Variants in LCT observed in about 807,000 individuals in gnomAD.
LCT encodes the protein lactase/phlorizin hydrolase.
A neutral mutation model predicts 173.0 loss-of-function variants in LCT; 90 were observed. The ratio of observed to expected loss-of-function variants is 0.52; its 90% CI spans 0.44 to 0.62. The LOEUF is 0.62. LCT is among the 20% of genes least tolerant of loss of function. The pLI is 0.00. For synonymous variants in LCT, 853 were observed against 957.6 expected (o/e 0.89, Z 2.02); for missense variants, 1,864 against 2,431.4 (o/e 0.77, Z 4.91).
At chr2:135,799,407 C>G (rs1274906525) in intron 12 of LCT, among the ~76,000 whole-genome samples, 3 of 151,984 alleles carry the variant, frequency 2.0e-5, no homozygotes. Flanking sequence ...GAGGATCATT[C>G]TTTTCCTTCT....
chr2:135,833,334 G>C, intron 1 of LCT, 144 bp from the exon 2 acceptor site: 1 of 731,736 alleles, frequency 1.4e-6, no homozygotes, highest in Non-Finnish European at 2.5e-6. Flanking sequence ...AGAAGACAAG[G>C]TGGCTTAAAA....
chr2:135,829,326 C>T (rs2077914209), intron 3 of LCT, among the ~76,000 whole-genome samples: 1 of 152,126 alleles, frequency 6.6e-6, no homozygotes. Flanking sequence ...AATCTCAATT[C>T]TCGGCAGATT....
chr2:135,829,684 T>C lies in LCT; in HGVS notation c.721-8A>G, dbSNP rs778877430. 1 of 1,597,618 alleles carries C rather than the reference T, an allele frequency of 6.3e-7. No individual in the cohort carries two copies. The highest frequency in any genetic ancestry group is 8.6e-7 in the Non-Finnish European group (1 of 1,165,246). On this transcript the variant is annotated splice_polypyrimidine_tract_variant and splice_region_variant and intron_variant, in intron 2 of 16. Coordinates refer to ENST00000264162, the MANE Select transcript of LCT (RefSeq NM_002299.4). ...GAGGAAATCGACCGTGTCCTGAAAA[T>C]AGTAGTTAAATAGGGTCATTAGAAC...
Position 135,790,964 on chromosome 2 carries a change from AC to A in LCT, c.5112-84del. The A allele has an allele frequency of 9.7e-7, 1 of 1,028,706 alleles. No individual in the cohort carries two copies. The highest frequency in any genetic ancestry group is 1.5e-6 in the Non-Finnish European group (1 of 657,406). 63.7% of individuals were successfully genotyped at this position (1,028,706 alleles called of 1,614,324 possible). ...ACACGAAACACAAAACAGGACTTAG[AC>A]CAGGAAAAGCCTTAGGTTTTGTCTA... On this transcript the variant is annotated intron_variant, in intron 14 of 16. Coordinates refer to ENST00000264162, the MANE Select transcript of LCT (RefSeq NM_002299.4). The surrounding 1 kb of genome is among the most constrained non-coding windows in gnomAD (Gnocchi z 4.1).
Position 135,803,927 on chromosome 2 carries a change from T to A in LCT, c.4663+3A>T. On this transcript the variant is annotated splice_donor_region_variant and intron_variant, in intron 11 of 16. Coordinates refer to ENST00000264162, the MANE Select transcript of LCT (RefSeq NM_002299.4). Reference sequence around the variant, plus strand: ...GAGCCTATGAGCCAGGGCTGGGACTTACCTGGAGCTGCTGTTCCGTAGCCA... The same window carrying A: ...GAGCCTATGAGCCAGGGCTGGGACTAACCTGGAGCTGCTGTTCCGTAGCCA... The A allele has an allele frequency of 6.2e-7, 1 of 1,612,876 alleles. No homozygotes were observed. Among genetic ancestry groups the A allele is most frequent in the Non-Finnish European group, 8.5e-7 (1 of 1,179,218 alleles).
intron 2 of LCT, among the ~76,000 whole-genome samples, chr2:135,830,946 G>T (rs2077932298): frequency 6.6e-6 from 1 of 152,344 alleles, no homozygotes; most frequent in Non-Finnish European, 1.5e-5. Flanking sequence ...AATCACACGA[G>T]GAGAAGACAG....
intron 3 of LCT, among the ~76,000 whole-genome samples, chr2:135,824,829 C>A (rs1263713640): frequency 8.6e-5 from 13 of 151,372 alleles, no homozygotes; most frequent in Admixed American, 2.0e-4. Flanking sequence ...ATGGTGAAAC[C>A]CTGTCTTTAT....
At position 135,790,811 on chromosome 2, in the gene LCT, C is replaced by T; in HGVS notation, c.5182G>A (p.Gly1728Ser). The stretch of plus-strand genomic sequence containing the variant: ...AACCAGTTCAGGATCCTCCTGAAGC[C>T]AAAAGGCGTCATCTTCAGCCAGAAG... Reference protein sequence around the residue: ...GSFWLKMTPFGFRRILNWLKE... With the variant: ...GSFWLKMTPFSFRRILNWLKE... Residue 1728 changes from glycine to serine, a missense_variant, in exon 15 of 17, where the codon GGC (glycine) becomes AGC (serine). Physicochemically the swap from Gly to Ser is moderately conservative, Grantham distance 56. This residue lies in a region of LCT where 514 missense variants were observed against 750.1 expected (regional missense o/e 0.69). Transcript: ENST00000264162. The surrounding 1 kb of genome is among the most constrained non-coding windows in gnomAD (Gnocchi z 4.1). 1 of 1,614,102 alleles carries T rather than the reference C, an allele frequency of 6.2e-7. No homozygotes were observed. The highest frequency in any genetic ancestry group is 8.5e-7 in the Non-Finnish European group (1 of 1,179,992).
At chr2:135,830,067 G>A (rs1170482078) in intron 2 of LCT, among the ~76,000 whole-genome samples, 1 of 152,156 alleles carries the variant, frequency 6.6e-6, no homozygotes, top group Non-Finnish European at 1.5e-5. Context: ...TGGCCAGGAT[G>A]GGGGTGGTGG....
Position 135,822,063 on chromosome 2 carries a change from C to A in LCT, c.943G>T (p.Asp315Tyr), listed in dbSNP as rs867463108. Residue 315 changes from aspartate (D) to tyrosine (Y), a missense_variant, in exon 5 of 17, where the codon GAT becomes TAT. Asp to Tyr is a radical substitution (Grantham distance 160). Around this residue, in one of 4 missense-constraint regions of LCT, gnomAD observed 412 missense variants for 462.0 expected, o/e 0.89. Coordinates refer to ENST00000264162, the MANE Select transcript of LCT (RefSeq NM_002299.4). Reference sequence around the variant, plus strand: ...GAACAACTCAGAAACTCATTAATATCAAACCCAATGGTGAGCACTTGGTCT... The same window carrying A: ...GAACAACTCAGAAACTCATTAATATAAAACCCAATGGTGAGCACTTGGTCT... ...NKDQVLTIGFDINEFLSCSSS... is the reference protein window; with the variant it reads ...NKDQVLTIGFYINEFLSCSSS... 6.2e-7 allele frequency: 1 copy of A among 1,609,420 alleles called. No individual in the cohort carries two copies. The highest frequency in any genetic ancestry group is 1.3e-5 in the African/African-American group (1 of 74,816).
At chr2:135,797,171 C>A (rs1308169733) in intron 13 of LCT, among the ~76,000 whole-genome samples, 1 of 152,160 alleles carries the variant, frequency 6.6e-6, no homozygotes, top group East Asian at 1.9e-4. Flanking sequence ...TGGTCTTGAA[C>A]TCATGACTTC....
At chr2:135,808,203 A>G (rs2077693377) in intron 8 of LCT, among the ~76,000 whole-genome samples, 1 of 152,216 alleles carries the variant, frequency 6.6e-6, no homozygotes, top group Non-Finnish European at 1.5e-5. Context: ...CAATATGAAT[A>G]TTCTGCTAGG....
intron 2 of LCT, among the ~76,000 whole-genome samples, chr2:135,831,648 C>G (rs1319187656): frequency 6.6e-6 from 1 of 152,214 alleles, no homozygotes; most frequent in Non-Finnish European, 1.5e-5. Context: ...AGGTGCCATT[C>G]TGGCCGTGCA....
intron 9 of LCT, among the ~76,000 whole-genome samples, chr2:135,805,391 C>T (rs746732672): frequency 3.9e-5 from 6 of 152,288 alleles, no homozygotes; most frequent in East Asian, 1.9e-4. Context: ...GCTTTCTCTA[C>T]GCATGTGGCA....
chr2:135,830,982 C>T (rs1431140188), intron 2 of LCT, among the ~76,000 whole-genome samples: 1 of 152,240 alleles, frequency 6.6e-6, no homozygotes, highest in East Asian at 1.9e-4. Context: ...GTAAGAAGCC[C>T]ACACCAGTGG....
intron 14 of LCT, among the ~76,000 whole-genome samples, chr2:135,791,552 T>C (rs1291246153): frequency 6.7e-6 from 1 of 148,814 alleles, no homozygotes; most frequent in African/African-American, 2.5e-5. Context: ...TACACTCAGA[T>C]CTTTCAGGGA....
chr2:135,790,499 C>CA lies in LCT; in HGVS notation c.5335+158dup, dbSNP rs1491577924. Among the ~76,000 whole-genome samples the CA allele has an allele frequency of 6.6e-6, 1 of 152,206 alleles. No homozygotes were observed. Among genetic ancestry groups the CA allele is most frequent in the Non-Finnish European group, 1.5e-5 (1 of 68,042 alleles). On this transcript the variant is annotated intron_variant, in intron 15 of 16. Coordinates refer to ENST00000264162, the MANE Select transcript of LCT (RefSeq NM_002299.4). The surrounding 1 kb of genome is among the most constrained non-coding windows in gnomAD (Gnocchi z 4.1). Reference sequence around the variant, plus strand: ...CTTAGACATAGGAAGGAAAAAAACTCAGAGTGCGGCCCTAAAGCAAAGCTT... The same window carrying CA: ...CTTAGACATAGGAAGGAAAAAAACTCAAGAGTGCGGCCCTAAAGCAAAGCTT...
Position 135,790,556 on chromosome 2 carries a change from CT to C in LCT, c.5335+101del, listed in dbSNP as rs1370950605. ...CACAGGAGCAAGAAGGCTTATCGTT[CT>C]CTTCTTACTGTGGCCCAAGGACGCT... On this transcript the variant is annotated intron_variant, in intron 15 of 16. Coordinates refer to ENST00000264162, the MANE Select transcript of LCT (RefSeq NM_002299.4). The surrounding 1 kb of genome is among the most constrained non-coding windows in gnomAD (Gnocchi z 4.1). The C allele has an allele frequency of 1.3e-6, 1 of 764,246 alleles. No homozygotes were observed. Among genetic ancestry groups the C allele is most frequent in the African/African-American group, 1.7e-5 (1 of 57,952 alleles). The allele number at this position is 764,246 out of a possible 1,614,324, so 47.3% of individuals were successfully genotyped here. A position where few individuals can be genotyped will look rare whatever the true frequency, so the allele number is the denominator to read the frequency against.
intron 14 of LCT, among the ~76,000 whole-genome samples, chr2:135,794,000 C>T (rs1419299822): frequency 1.3e-5 from 2 of 150,106 alleles, no homozygotes; most frequent in East Asian, 1.9e-4. Context: ...ATTAGCCAGG[C>T]GTGGAGGTAC....
Sources: allele counts gnomAD v4.1 joint callset (sites outside exome capture counted in the v4.1 genomes callset), GRCh38; gene constraint gnomAD v4.1.1; regional missense constraint gnomAD v4.1.1; non-coding constraint Gnocchi (gnomAD v3.1); transcripts MANE v1.5; gene names NCBI Gene and HGNC (gene_info 2026-07-23, HGNC 2026-07-21).